The following NKAIN2 variants were observed in gnomAD, a reference collection of about 807,000 sequenced individuals.
NKAIN2 encodes the protein sodium/potassium transporting ATPase interacting 2.
In NKAIN2, 14 loss-of-function variants were observed where a neutral mutation model predicts 32.6. That is an observed-to-expected ratio of 0.43 (90% confidence interval 0.28 to 0.67). NKAIN2 has a LOEUF of 0.67. NKAIN2 is among the 30% of genes least tolerant of loss of function. The pLI is 0.17. For missense variants in NKAIN2, 198 were observed against 258.3 expected (o/e 0.77, Z 1.60); for synonymous variants, 80 against 87.2 (o/e 0.92, Z 0.46).
chr6:123,918,327 A>G (rs1055532097), intron 1 of NKAIN2, among the ~76,000 whole-genome samples: 6 of 152,230 alleles, frequency 3.9e-5, no homozygotes, highest in African/African-American at 1.4e-4. Flanking sequence ...TATGCTTTAC[A>G]TTGTTTAATA....
intron 1 of NKAIN2, among the ~76,000 whole-genome samples, chr6:124,223,807 C>T (rs1791959436): frequency 6.6e-6 from 1 of 152,088 alleles, no homozygotes; most frequent in Non-Finnish European, 1.5e-5. Context: ...AGTCATCTGC[C>T]TACTTGAGAT....
intron 1 of NKAIN2, among the ~76,000 whole-genome samples, chr6:123,973,976 T>G (rs920121290): frequency 5.3e-5 from 8 of 152,258 alleles, no homozygotes; most frequent in Admixed American, 6.5e-5. Flanking sequence ...CTCTGGAATT[T>G]TGTATATAAT....
intron 1 of NKAIN2, among the ~76,000 whole-genome samples, chr6:123,844,279 A>C (rs1775003614): frequency 6.6e-6 from 1 of 152,236 alleles, no homozygotes; most frequent in Admixed American, 6.5e-5. Flanking sequence ...AGACGTACAG[A>C]GCATTTTGAA....
At chr6:124,438,657 A>G (rs907688369) in intron 3 of NKAIN2, among the ~76,000 whole-genome samples, 3 of 152,102 alleles carry the variant, frequency 2.0e-5, no homozygotes, top group Non-Finnish European at 4.4e-5. Flanking sequence ...GCCTGCTCTC[A>G]TGCAGCGTGC....
intron 1 of NKAIN2, among the ~76,000 whole-genome samples, chr6:123,973,626 A>G (rs62435599): frequency 0.67 from 101,193 of 151,878 alleles, 33,841 homozygotes; most frequent in African/African-American, 0.69. Context: ...CTCCAAATTC[A>G]TAGTCCTCAT....
chr6:124,130,612 AT>A (rs11320716), intron 1 of NKAIN2, among the ~76,000 whole-genome samples: 94,614 of 145,534 alleles, frequency 0.65, 30,284 homozygotes, highest in East Asian at 0.76. Context: ...GTTTGCCCTT[AT>A]TTTTTTTTTT....
intron 1 of NKAIN2, among the ~76,000 whole-genome samples, chr6:124,174,215 G>A (rs1182794733): frequency 6.6e-6 from 1 of 152,068 alleles, no homozygotes; most frequent in Non-Finnish European, 1.5e-5. Context: ...CCACCAAACA[G>A]CAGTAGTTAG....
chr6:124,299,136 CCAAGGCTTCT>C (rs1796190500), intron 2 of NKAIN2, among the ~76,000 whole-genome samples: 5 of 152,124 alleles, frequency 3.3e-5, no homozygotes, highest in Admixed American at 1.3e-4. Flanking sequence ...CTCAGAGAAT[CCAAGGCTTCT>C]TTCTGAAGGA....
intron 2 of NKAIN2, among the ~76,000 whole-genome samples, chr6:124,323,688 A>G (rs1195871945): frequency 4.6e-5 from 7 of 151,804 alleles, no homozygotes. Flanking sequence ...CTTGATTACA[A>G]TGGCTATATA....
At chr6:124,244,617 CGG>C (rs1582915427) in intron 1 of NKAIN2, among the ~76,000 whole-genome samples, 1 of 151,928 alleles carries the variant, frequency 6.6e-6, no homozygotes, top group Non-Finnish European at 1.5e-5. Context: ...AAAATACAAA[CGG>C]GTATCCACCA....
intron 1 of NKAIN2, among the ~76,000 whole-genome samples, chr6:124,139,996 C>G (rs985546007): frequency 6.6e-6 from 1 of 152,058 alleles, no homozygotes; most frequent in Non-Finnish European, 1.5e-5. Context: ...CACTGGAAAC[C>G]TGAATCTGGG....
In NKAIN2 at chr6:123,981,341, A is replaced by G. The variant is rs182109489; in HGVS notation, c.54+177087A>G. 5.3e-5 allele frequency among the ~76,000 whole-genome samples: 8 copies of G among 152,322 alleles called. No homozygotes were observed. In the East Asian group the frequency reaches 1.4e-3, roughly 26 times the overall value. On this transcript the variant is annotated intron_variant, in intron 1 of 6. Coordinates refer to ENST00000368417, the MANE Select transcript of NKAIN2 (RefSeq NM_001040214.3). ...GTAAATAGTTTAACCAGTGCTGGAA[A>G]AAAAAAGCATCATACCTCCAATGGA... is the stretch of plus-strand genomic sequence containing the variant.
At chr6:124,133,729 C>G (rs1225038815) in intron 1 of NKAIN2, among the ~76,000 whole-genome samples, 1 of 152,082 alleles carries the variant, frequency 6.6e-6, no homozygotes, top group Admixed American at 6.5e-5. Flanking sequence ...CAAGTAGCAT[C>G]AGGCAAAATC....
intron 1 of NKAIN2, among the ~76,000 whole-genome samples, chr6:123,891,879 G>T (rs2114375718): frequency 6.6e-6 from 1 of 152,214 alleles, no homozygotes; most frequent in African/African-American, 2.4e-5. Flanking sequence ...CCTTATTATT[G>T]GTTGTCAAGC....
intron 1 of NKAIN2, among the ~76,000 whole-genome samples, chr6:123,810,212 A>G (rs1403608284): frequency 6.6e-6 from 1 of 152,142 alleles, no homozygotes; most frequent in Non-Finnish European, 1.5e-5. Flanking sequence ...TAAGTGGAGA[A>G]GCTTGGATTC....
At chr6:124,662,454 T>C (rs1784781955) in intron 4 of NKAIN2, among the ~76,000 whole-genome samples, 1 of 152,190 alleles carries the variant, frequency 6.6e-6, no homozygotes, top group Non-Finnish European at 1.5e-5. Context: ...TAGTTTAAAG[T>C]CAAGTTCTCC....
intron 1 of NKAIN2, among the ~76,000 whole-genome samples, chr6:124,192,106 C>T (rs1790051066): frequency 6.6e-6 from 1 of 151,868 alleles, no homozygotes; most frequent in Non-Finnish European, 1.5e-5. Context: ...TTTATTTCTG[C>T]TGTTGAATCA....
At chr6:124,496,371 T>G (rs1344021191) in intron 3 of NKAIN2, among the ~76,000 whole-genome samples, 4 of 152,166 alleles carry the variant, frequency 2.6e-5, no homozygotes, top group Non-Finnish European at 5.9e-5. Flanking sequence ...TTAATTAAAT[T>G]CCTGCTACAG....
intron 5 of NKAIN2, among the ~76,000 whole-genome samples, chr6:124,806,972 G>C (rs985748862): frequency 8.5e-4 from 129 of 152,026 alleles, no homozygotes; most frequent in African/African-American, 2.2e-3. Context: ...AATACAGGAG[G>C]ACCCAGATTC....
Sources: gnomAD v4.1 joint callset for allele counts (sites outside exome capture counted in the v4.1 genomes callset) on GRCh38, gnomAD v4.1.1 for gene constraint, MANE v1.5 for transcripts, NCBI Gene and HGNC (gene_info 2026-07-23, HGNC 2026-07-21) for gene names.